RAD51B: variants seen among roughly 807,000 people sequenced by gnomAD.
RAD51B encodes DNA repair protein RAD51 homolog 2.
RAD51B carries 38 observed loss-of-function variants against 42.2 expected under a neutral mutation model. The observed-to-expected ratio is 0.90, with a 90% confidence interval of 0.70 to 1.18. RAD51B has a LOEUF of 1.18. RAD51B is among the 50% of genes most tolerant of loss of function. The probability of loss-of-function intolerance (pLI) is 0.00; values close to 1 mark genes in which losing one functional copy is unlikely to be tolerated. For missense variants in RAD51B, 373 were observed against 400.7 expected (o/e 0.93, Z 0.59); for synonymous variants, 154 against 145.2 (o/e 1.06, Z -0.43).
intron 7 of RAD51B, among the ~76,000 whole-genome samples, chr14:68,064,261 G>T (rs1370348951): frequency 6.6e-6 from 1 of 152,130 alleles, no homozygotes; most frequent in African/African-American, 2.4e-5. Flanking sequence ...TTTCAGTGCT[G>T]TGAACATGTG....
chr14:68,195,658 C>CAGGTGTA, intron 7 of RAD51B, among the ~76,000 whole-genome samples: 1 of 152,268 alleles, frequency 6.6e-6, no homozygotes, highest in East Asian at 1.9e-4. Context: ...CCTGTAATCC[C>CAGGTGTA]AGCACTTTGG....
chr14:68,292,571 A>G (rs1485607918), intron 8 of RAD51B, among the ~76,000 whole-genome samples: 2 of 152,210 alleles, frequency 1.3e-5, no homozygotes, highest in African/African-American at 4.8e-5. Context: ...TTTTATTGAA[A>G]GTGCTTACTT....
intron 7 of RAD51B, among the ~76,000 whole-genome samples, chr14:67,995,603 TTTATA>T (rs968388172): frequency 2.0e-5 from 3 of 151,204 alleles, no homozygotes; most frequent in Non-Finnish European, 4.4e-5. Context: ...CCCTGCTGAT[TTTATA>T]TTCTTTTTTT....
At chr14:68,119,988 CTGACTTTT>C (rs1259353914) in intron 7 of RAD51B, among the ~76,000 whole-genome samples, 1 of 152,010 alleles carries the variant, frequency 6.6e-6, no homozygotes, top group Non-Finnish European at 1.5e-5. Context: ...CTGTTGTTTC[CTGACTTTT>C]TAATGATTGT....
At chr14:68,613,744 C>T (rs747071089), downstream of RAD51B, among the ~76,000 whole-genome samples, 4 of 152,148 alleles carry the variant, frequency 2.6e-5, no homozygotes, top group Non-Finnish European at 4.4e-5. Flanking sequence ...GTGAGCCACC[C>T]TGCCTGGCCA....
At chr14:68,155,691 G>T (rs1325658160) in intron 7 of RAD51B, among the ~76,000 whole-genome samples, 2 of 152,092 alleles carry the variant, frequency 1.3e-5, no homozygotes, top group African/African-American at 4.8e-5. Context: ...ATTGCGATAG[G>T]GTAGTTACTG....
chr14:67,975,631 A>G (rs2074978587), intron 7 of RAD51B, among the ~76,000 whole-genome samples: 1 of 152,248 alleles, frequency 6.6e-6, no homozygotes, highest in African/African-American at 2.4e-5. Flanking sequence ...TTATGGACAG[A>G]AAAAGGAAAG....
intron 7 of RAD51B, among the ~76,000 whole-genome samples, chr14:68,130,718 T>C (rs1468762815): frequency 6.6e-6 from 1 of 152,146 alleles, no homozygotes; most frequent in African/African-American, 2.4e-5. Flanking sequence ...ATCCTGAAAA[T>C]AAAATTTCAA....
chr14:68,127,529 T>C (rs1308748032), intron 7 of RAD51B, among the ~76,000 whole-genome samples: 1 of 151,784 alleles, frequency 6.6e-6, no homozygotes, highest in South Asian at 2.1e-4. Context: ...AGTATATGAA[T>C]GGGAAATATA....
In RAD51B at chr14:68,235,703, CAAAAAAAAAAA is replaced by C. The variant is rs57180468; in HGVS notation, c.757-56162_757-56152del. Among the ~76,000 whole-genome samples the C allele has an allele frequency of 7.8e-4, 11 of 14,068 alleles. No individual in the cohort carries two copies. In the East Asian group the frequency reaches 0.012, roughly 15 times the overall value. The allele number at this position is 14,068 out of a possible 152,430, so 9.2% of individuals were successfully genotyped here. ...TGGGCGACAGAGCGAGACTCCGTCT[CAAAAAAAAAAA>C]AAAAAAAAAAAAAAAAAAGAGCTGA... On this transcript the variant is annotated intron_variant, in intron 7 of 10. Transcript: ENST00000471583.
chr14:68,229,674 T>C (rs1414196798), intron 7 of RAD51B, among the ~76,000 whole-genome samples: 1 of 152,066 alleles, frequency 6.6e-6, no homozygotes, highest in Non-Finnish European at 1.5e-5. Context: ...TAGGTTCAGC[T>C]ACATTCCCTA....
At chr14:68,386,616 T>C (rs1252787137) in intron 8 of RAD51B, among the ~76,000 whole-genome samples, 2 of 152,206 alleles carry the variant, frequency 1.3e-5, no homozygotes, top group Non-Finnish European at 2.9e-5. Flanking sequence ...TCTGCCCTGA[T>C]AGTGCCTAGT....
intron 7 of RAD51B, among the ~76,000 whole-genome samples, chr14:67,922,745 G>T (rs2044368089): frequency 6.7e-6 from 1 of 149,846 alleles, no homozygotes; most frequent in African/African-American, 2.5e-5. Flanking sequence ...GGCCTGGAGT[G>T]CAGTGGCATG....
chr14:68,604,893 C>T (rs1891383375), intron 10 of RAD51B, among the ~76,000 whole-genome samples: 1 of 152,246 alleles, frequency 6.6e-6, no homozygotes, highest in Non-Finnish European at 1.5e-5. Context: ...GAGAGTGACA[C>T]TTTGGACAGG....
At chr14:68,559,384 A>AT (rs199719166) in intron 10 of RAD51B, among the ~76,000 whole-genome samples, 34,547 of 142,352 alleles carry the variant, frequency 0.24, 4,454 homozygotes, top group South Asian at 0.33. Context: ...TCCCAGGGGC[A>AT]TTTTTTTTTT....
rs756654699 is a variant in RAD51B at position 68,504,428 on chromosome 14, C to A, written c.1036+36178C>A. Among the ~76,000 whole-genome samples, 73 of 152,304 alleles carry A rather than the reference C, an allele frequency of 4.8e-4. 1 individual carries two copies. The highest frequency in any genetic ancestry group is 1.4e-3 in the Admixed American group (22 of 15,300). ...ATTTGTGTACATCAATGAGTTTGCT[C>A]AGTCACAAGGGTGCCGAAGCCTGAG... is the stretch of plus-strand genomic sequence containing the variant. On this transcript the variant is annotated intron_variant, in intron 10 of 10. Transcript: ENST00000487270.
rs535195740 is a variant in RAD51B at position 68,158,135 on chromosome 14, A to T, written c.757-133749A>T. ...ACACAGCCTTTTTTTTTCTTCTCCC[A>T]TCCCAAGCCACCATCCCAACCTGCC... On this transcript the variant is annotated intron_variant, in intron 7 of 10. Coordinates refer to ENST00000471583, the MANE Select transcript of RAD51B (RefSeq NM_133510.4). 7.8e-4 allele frequency among the ~76,000 whole-genome samples: 119 copies of T among 152,170 alleles called. 1 individual carries two copies. Among genetic ancestry groups the T allele is most frequent in the Non-Finnish European group, 5.7e-4 (39 of 68,008 alleles).
At chr14:68,431,992 CTT>C (rs1235853193) in intron 9 of RAD51B, among the ~76,000 whole-genome samples, 1 of 152,134 alleles carries the variant, frequency 6.6e-6, no homozygotes, top group East Asian at 1.9e-4. Context: ...TTATTTCTGC[CTT>C]CATTTCGTTA....
chr14:68,122,350 T>C (rs2140636383), intron 7 of RAD51B, among the ~76,000 whole-genome samples: 1 of 152,246 alleles, frequency 6.6e-6, no homozygotes. Context: ...ATTTTCCCTA[T>C]TGAATAGAGA....
Sources: gnomAD v4.1 joint callset for allele counts (sites outside exome capture counted in the v4.1 genomes callset) on GRCh38, gnomAD v4.1.1 for gene constraint, MANE v1.5 for transcripts, NCBI Gene and HGNC (gene_info 2026-07-23, HGNC 2026-07-21) for gene names.